PRKDC: variants seen among roughly 807,000 people sequenced by gnomAD.
The protein encoded by PRKDC is protein kinase, DNA-activated, catalytic subunit, also known as DNA-dependent protein kinase catalytic subunit.
PRKDC carries 82 observed loss-of-function variants against 486.9 expected under a neutral mutation model. The ratio of observed to expected loss-of-function variants is 0.17; its 90% CI spans 0.14 to 0.20. The LOEUF is 0.20. Ranked by LOEUF, PRKDC falls within the 10% of genes least tolerant of loss-of-function variation. The pLI, the probability that PRKDC is intolerant of heterozygous loss-of-function variation, is 1.00. For missense variants in PRKDC, 4,504 were observed against 5,038.2 expected (o/e 0.89, Z 3.21); for synonymous variants, 1,895 against 1,837.0 (o/e 1.03, Z -0.81).
chr8:47,932,712 T>C (rs1042830406), intron 16 of PRKDC, among the ~76,000 whole-genome samples: 6 of 152,186 alleles, frequency 3.9e-5, no homozygotes, highest in African/African-American at 1.4e-4. Flanking sequence ...CAAAGTCATT[T>C]CTACATAAAA....
chr8:47,822,768 C>T (rs538581901), intron 64 of PRKDC, among the ~76,000 whole-genome samples: 5 of 151,930 alleles, frequency 3.3e-5, no homozygotes, highest in African/African-American at 1.2e-4. Context: ...CCAGCGTGGG[C>T]GACAGAGTGA....
chr8:47,877,630 T>C (rs2089116656), intron 40 of PRKDC, 94 bp downstream of exon 40: 3 of 1,254,440 alleles, frequency 2.4e-6, no homozygotes, highest in East Asian at 5.6e-5. Flanking sequence ...AAGAATATAA[T>C]TGCCACTCAG....
At chr8:47,887,803 G>T in intron 34 of PRKDC, 98 bp from the exon 35 acceptor site, 1 of 1,267,456 alleles carries the variant, frequency 7.9e-7, no homozygotes, top group Non-Finnish European at 1.1e-6. Flanking sequence ...ACTTCAGATA[G>T]CACTGACAAC....
chr8:47,801,636 C>T (rs1020633649), intron 70 of PRKDC, among the ~76,000 whole-genome samples: 4 of 152,192 alleles, frequency 2.6e-5, no homozygotes, highest in African/African-American at 9.7e-5. Flanking sequence ...TGTGTTTGTA[C>T]ATATATTAAT....
At chr8:47,890,653 T>C (rs2089438464) in intron 31 of PRKDC, among the ~76,000 whole-genome samples, 173 bp from the exon 32 acceptor site, 1 of 152,234 alleles carries the variant, frequency 6.6e-6, no homozygotes, top group Non-Finnish European at 1.5e-5. Flanking sequence ...TTATTTTTTC[T>C]CATATCAAAG....
At chr8:47,891,900 A>C (rs1313881323) in intron 31 of PRKDC, among the ~76,000 whole-genome samples, 1 of 151,942 alleles carries the variant, frequency 6.6e-6, no homozygotes, top group African/African-American at 2.4e-5. Flanking sequence ...ATTTTCTGAG[A>C]CGGTGTCACC....
At chr8:47,854,592 G>A (rs1295444531) in intron 50 of PRKDC, among the ~76,000 whole-genome samples, 6 of 151,830 alleles carry the variant, frequency 4.0e-5, no homozygotes, top group Admixed American at 2.0e-4. Context: ...CGCCCGCCTC[G>A]GCCTCCCAAA....
intron 63 of PRKDC, among the ~76,000 whole-genome samples, chr8:47,824,372 G>T (rs1195284102): frequency 6.6e-6 from 1 of 150,616 alleles, no homozygotes; most frequent in Non-Finnish European, 1.5e-5. Context: ...TACTTGGGAG[G>T]CTGAGGCAGA....
chr8:47,914,243 T>G (rs532731996), intron 23 of PRKDC, among the ~76,000 whole-genome samples, 179 bp from the exon 24 acceptor site: 1 of 152,302 alleles, frequency 6.6e-6, no homozygotes, highest in Non-Finnish European at 1.5e-5. Context: ...CAGAAATCAC[T>G]CGATTTAATT....
At chr8:47,878,932 C>A (rs1399055486) in intron 39 of PRKDC, among the ~76,000 whole-genome samples, 3 of 152,102 alleles carry the variant, frequency 2.0e-5, no homozygotes, top group Non-Finnish European at 4.4e-5. Flanking sequence ...CATGTATACA[C>A]AAACATTCCA....
chr8:47,908,666 T>C (rs1279230397), intron 25 of PRKDC, among the ~76,000 whole-genome samples: 2 of 152,186 alleles, frequency 1.3e-5, no homozygotes, highest in East Asian at 3.9e-4. Flanking sequence ...TCTCCAGACT[T>C]TACAGAGGAT....
chr8:47,778,608 A>T lies in PRKDC; in HGVS notation c.11704T>A (p.Ser3902Thr). 6.2e-7 allele frequency: 1 copy of T among 1,613,760 alleles called. No homozygotes were observed. Among genetic ancestry groups the T allele is most frequent in the East Asian group, 2.2e-5 (1 of 44,866 alleles). ...AGAGCGTGAGAGCTGGCGAAGTGGG[A>T]GCGGAGCGCCAGGAAAGCCTCAGGG... Reference protein sequence around the residue: ...TSPEAFLALRSHFASSHALIC... With the variant: ...TSPEAFLALRTHFASSHALIC... The change falls in exon 83 of 86, where the codon TCC (serine) becomes ACC (threonine). Residue 3902 changes from serine (S) to threonine (T), a missense_variant. Physicochemically the swap from Ser to Thr is moderately conservative, Grantham distance 58. Coordinates refer to ENST00000314191, the MANE Select transcript of PRKDC (RefSeq NM_006904.7).
At chr8:47,882,221 AT>A in intron 36 of PRKDC, 124 bp from the exon 37 acceptor site, 3 of 901,874 alleles carry the variant, frequency 3.3e-6, no homozygotes, top group Non-Finnish European at 4.9e-6. Context: ...ATAGATGTTT[AT>A]CTACTTCAAA....
intron 22 of PRKDC, among the ~76,000 whole-genome samples, chr8:47,917,957 ACCTCAGCCTCCCAAGTAGCTGGGG>A (rs1223596766): frequency 1.3e-5 from 2 of 151,836 alleles, no homozygotes; most frequent in Non-Finnish European, 2.9e-5. Flanking sequence ...TGATTCTCCC[ACCTCAGCCTCCCAAGTAGCTGGGG>A]CCACAGGCAT....
At position 47,820,838 on chromosome 8, in the gene PRKDC, G is replaced by A. The variant is rs55644332; in HGVS notation, c.9217C>T (p.Leu3073Phe). 876 of 1,613,354 alleles carry A rather than the reference G, an allele frequency of 5.4e-4. 4 individuals carry two copies. In the African/African-American group the frequency reaches 0.01, roughly 19 times the overall value. Residue 3073 changes from leucine to phenylalanine, a missense_variant, in exon 66 of 86, where the codon CTC (leucine) becomes TTC (phenylalanine). This residue lies in a region of PRKDC where 1,592 missense variants were observed against 1,724.6 expected (regional missense o/e 0.92). Coordinates refer to ENST00000314191, the MANE Select transcript of PRKDC (RefSeq NM_006904.7). ...TFIDKAMHGE[L>F]QKAILELHYS... Reference sequence around the variant, plus strand: ...TGAAGCTCTAGAATCGCCTTCTGGAGCTCCCCGTGCATAGCTTTGTCAATA... The same window carrying A: ...TGAAGCTCTAGAATCGCCTTCTGGAACTCCCCGTGCATAGCTTTGTCAATA...
chr8:47,870,614 T>C (rs1338115255), intron 40 of PRKDC, among the ~76,000 whole-genome samples: 1 of 152,138 alleles, frequency 6.6e-6, no homozygotes, highest in African/African-American at 2.4e-5. Flanking sequence ...AAGAAGGAAG[T>C]ATATAAACAA....
chr8:47,958,562 A>C (rs2090750796), intron 1 of PRKDC, among the ~76,000 whole-genome samples: 1 of 152,228 alleles, frequency 6.6e-6, no homozygotes, highest in Non-Finnish European at 1.5e-5. Flanking sequence ...AATGGAAGGT[A>C]AACTTGGAAG....
At chr8:47,915,462 A>G in intron 22 of PRKDC, 44 bp from the exon 23 acceptor site, 1 of 1,186,640 alleles carries the variant, frequency 8.4e-7, no homozygotes, top group South Asian at 1.5e-5. Context: ...CAAATGGGTT[A>G]AAGATTAAAT....
chr8:47,951,640 A>G (rs988666525), intron 7 of PRKDC, among the ~76,000 whole-genome samples: 1 of 151,746 alleles, frequency 6.6e-6, no homozygotes, highest in African/African-American at 2.4e-5. Context: ...CTTGAGCCCA[A>G]GAAGTTGAGG....
Sources: allele counts gnomAD v4.1 joint callset (sites outside exome capture counted in the v4.1 genomes callset), GRCh38; gene constraint gnomAD v4.1.1; regional missense constraint gnomAD v4.1.1; transcripts MANE v1.5; gene names NCBI Gene and HGNC (gene_info 2026-07-23, HGNC 2026-07-21).